The following GALNTL6 variants were observed in gnomAD, a reference collection of about 807,000 sequenced individuals.
GALNTL6 encodes the protein polypeptide N-acetylgalactosaminyltransferase like 6.
A neutral mutation model predicts 73.7 loss-of-function variants in GALNTL6; 46 were observed. That is an observed-to-expected ratio of 0.62 (90% CI 0.49 to 0.80). The LOEUF (loss-of-function observed/expected upper bound fraction) is 0.80. GALNTL6 is among the 30% of genes least tolerant of loss of function. GALNTL6 has a pLI of 0.00. For missense variants in GALNTL6, 604 were observed against 755.0 expected (o/e 0.80, Z 2.34); for synonymous variants, 259 against 263.7 (o/e 0.98, Z 0.17).
intron 2 of GALNTL6, among the ~76,000 whole-genome samples, chr4:171,984,689 C>A (rs1484685084): frequency 6.6e-6 from 1 of 151,866 alleles, no homozygotes; most frequent in Admixed American, 6.6e-5. Flanking sequence ...AAGTAGGAAG[C>A]AGGGGAAAGG....
At chr4:172,982,843 A>G (rs1319066728) in intron 10 of GALNTL6, among the ~76,000 whole-genome samples, 1 of 152,226 alleles carries the variant, frequency 6.6e-6, no homozygotes. Context: ...TAGATGAGGT[A>G]TAAATCCAAT....
chr4:172,107,377 A>G (rs907166864), intron 2 of GALNTL6, among the ~76,000 whole-genome samples: 1 of 152,094 alleles, frequency 6.6e-6, no homozygotes, highest in Non-Finnish European at 1.5e-5. Context: ...AAACACTGCA[A>G]AAATTAGTAG....
rs1579040560 is a variant in GALNTL6 at position 171,991,753 on chromosome 4, T to TAC, written c.138+177036_138+177037insCA. The stretch of plus-strand genomic sequence containing the variant: ...GTGTATATATATATATATATATATA[T>TAC]ATACACATATATATACATATATATA... On this transcript the variant is annotated intron_variant, in intron 2 of 12. Coordinates refer to ENST00000506823, the MANE Select transcript of GALNTL6 (RefSeq NM_001034845.3). Among the ~76,000 whole-genome samples, 4 of 144,404 alleles carry TAC rather than the reference T, an allele frequency of 2.8e-5. No homozygotes were observed. In the East Asian group the frequency reaches 6.1e-4, roughly 22 times the overall value. The allele number at this position is 144,404 out of a possible 152,430, so 94.7% of individuals were successfully genotyped here.
At chr4:172,789,126 A>G (rs752140450) in intron 5 of GALNTL6, among the ~76,000 whole-genome samples, 46 of 152,126 alleles carry the variant, frequency 3.0e-4, no homozygotes, top group Non-Finnish European at 5.9e-4. Flanking sequence ...ATAATGTCAG[A>G]TCCCAGAGGT....
rs369020174 is a variant in GALNTL6, at chr4:172,207,028, A to G, written c.139-22628A>G. On this transcript the variant is annotated intron_variant, in intron 2 of 12. Transcript: ENST00000506823. Reference sequence around the variant, plus strand: ...GAGGCGGGGTTTCACCATGTTAGCCAGGATGATCTCAATCTCCTGACCTCG... The same window carrying G: ...GAGGCGGGGTTTCACCATGTTAGCCGGGATGATCTCAATCTCCTGACCTCG... Among the ~76,000 whole-genome samples, 893 of 151,302 alleles carry G rather than the reference A, an allele frequency of 5.9e-3. 8 individuals are homozygous for G. Among genetic ancestry groups the G allele is most frequent in the African/African-American group, 0.016 (666 of 41,276 alleles).
intron 9 of GALNTL6, among the ~76,000 whole-genome samples, chr4:172,951,014 G>T (rs1749417413): frequency 6.6e-6 from 1 of 152,182 alleles, no homozygotes; most frequent in Non-Finnish European, 1.5e-5. Flanking sequence ...GAGCCTGAAG[G>T]CACATCAGAG....
chr4:172,514,710 G>A (rs1734540849), intron 5 of GALNTL6, among the ~76,000 whole-genome samples: 1 of 152,148 alleles, frequency 6.6e-6, no homozygotes, highest in African/African-American at 2.4e-5. Context: ...CTCCCCAAGG[G>A]CCCCTGTGAG....
intron 5 of GALNTL6, among the ~76,000 whole-genome samples, chr4:172,647,599 C>T (rs1311879020): frequency 6.6e-6 from 1 of 151,920 alleles, no homozygotes; most frequent in African/African-American, 2.4e-5. Flanking sequence ...TTTCAAGAAC[C>T]ACTGTCTGAT....
chr4:172,562,869 A>G (rs1333066405), intron 5 of GALNTL6, among the ~76,000 whole-genome samples: 1 of 152,194 alleles, frequency 6.6e-6, no homozygotes, highest in Non-Finnish European at 1.5e-5. Flanking sequence ...AAAATAGAGA[A>G]CTGGGGAAAG....
At chr4:172,198,660 TA>T (rs1290969977) in intron 2 of GALNTL6, among the ~76,000 whole-genome samples, 2 of 152,172 alleles carry the variant, frequency 1.3e-5, no homozygotes, top group African/African-American at 2.4e-5. Flanking sequence ...GTGTTGCCAG[TA>T]AGTAATTATC....
In GALNTL6 at chr4:172,345,669, C is replaced by T. The variant is rs190658753; in HGVS notation, c.387-2854C>T. On this transcript the variant is annotated intron_variant, in intron 4 of 12. Transcript: ENST00000506823. ...AGAGACTATACCAAATGAGGTATAA[C>T]TTATTTGCCTATGTCTAAGTTTAGG... is the stretch of plus-strand genomic sequence containing the variant. Among the ~76,000 whole-genome samples the T allele has an allele frequency of 9.8e-4, 149 of 152,226 alleles. 1 individual carries two copies. The South Asian group carries it at 0.016, about 16-fold the overall frequency.
intron 2 of GALNTL6, among the ~76,000 whole-genome samples, chr4:171,988,066 T>C (rs377017836): frequency 6.6e-6 from 1 of 152,108 alleles, no homozygotes; most frequent in East Asian, 1.9e-4. Context: ...GAGTTGAGCA[T>C]AGTTCGTGAT....
Position 172,068,793 on chromosome 4 carries a change from G to T in GALNTL6, c.139-160863G>T, listed in dbSNP as rs1371127545. On this transcript the variant is annotated intron_variant, in intron 2 of 12. Coordinates refer to ENST00000506823, the MANE Select transcript of GALNTL6 (RefSeq NM_001034845.3). ...AGTTAGTAAAGATACTTTTGTGAAA[G>T]AATAAATGAAATTCCTTTACCCTTG... 6.3e-5 allele frequency among the ~76,000 whole-genome samples: 7 copies of T among 110,832 alleles called. 1 individual carries two copies. The Admixed American group carries it at 6.5e-4, about 10-fold the overall frequency. 72.7% of individuals were successfully genotyped at this position (110,832 alleles called of 152,430 possible).
At chr4:172,895,771 G>T (rs2111226005) in intron 8 of GALNTL6, among the ~76,000 whole-genome samples, 1 of 151,976 alleles carries the variant, frequency 6.6e-6, no homozygotes, top group Middle Eastern at 3.4e-3. Context: ...CCCTTTTGAT[G>T]TTGTCCCATA....
At chr4:172,792,199 G>A (rs531153541) in intron 5 of GALNTL6, among the ~76,000 whole-genome samples, 28 of 152,154 alleles carry the variant, frequency 1.8e-4, no homozygotes, top group African/African-American at 2.9e-4. Context: ...AATACAAAAT[G>A]AGCGCAAATA....
intron 5 of GALNTL6, among the ~76,000 whole-genome samples, chr4:172,421,735 T>C (rs998462490): frequency 1.3e-5 from 2 of 152,120 alleles, no homozygotes; most frequent in Non-Finnish European, 2.9e-5. Flanking sequence ...TAAAATTCTG[T>C]TGAAATAATA....
intron 5 of GALNTL6, among the ~76,000 whole-genome samples, chr4:172,448,622 C>T (rs779471146): frequency 8.5e-5 from 13 of 152,234 alleles, no homozygotes; most frequent in East Asian, 3.9e-4. Context: ...ATCTGGGGAA[C>T]GCTAGGAAAA....
At chr4:172,171,078 A>C (rs528764026) in intron 2 of GALNTL6, among the ~76,000 whole-genome samples, 2 of 152,244 alleles carry the variant, frequency 1.3e-5, no homozygotes, top group African/African-American at 4.8e-5. Flanking sequence ...TATGTGGTAA[A>C]GGTGAATTAA....
chr4:172,391,696 TG>T (rs1349810816), intron 5 of GALNTL6, among the ~76,000 whole-genome samples: 2 of 152,202 alleles, frequency 1.3e-5, no homozygotes, highest in East Asian at 3.9e-4. Flanking sequence ...TGGGTGACAT[TG>T]GGAGTGTTTG....
Sources: gnomAD v4.1 joint callset for allele counts (sites outside exome capture counted in the v4.1 genomes callset) on GRCh38, gnomAD v4.1.1 for gene constraint, MANE v1.5 for transcripts, NCBI Gene and HGNC (gene_info 2026-07-23, HGNC 2026-07-21) for gene names.